Variants in UPRT observed in about 807,000 individuals in gnomAD.
The protein encoded by UPRT is uracil phosphoribosyltransferase homolog, also known as RP11-311P8.3.
A neutral mutation model predicts 22.6 loss-of-function variants in UPRT; 5 were observed. The observed-to-expected ratio is 0.22, with a 90% CI of 0.12 to 0.47. The LOEUF is 0.47. Ranked by LOEUF, UPRT falls within the 20% of genes least tolerant of loss-of-function variation. The probability of loss-of-function intolerance (pLI) is 0.99; values close to 1 mark genes in which losing one functional copy is unlikely to be tolerated. For synonymous variants in UPRT, 77 were observed against 87.7 expected, an observed-to-expected ratio of 0.88 and a Z score of 0.68; for missense variants, 181 against 239.9, an observed-to-expected ratio of 0.75 and a Z score of 1.62.
intron 4 of UPRT, among the ~76,000 whole-genome samples, chrX:75,239,454 TA>T (rs755359565): frequency 1.6e-4 from 18 of 110,519 alleles, no homozygotes; most frequent in African/African-American, 5.9e-4. Flanking sequence ...GAAACAGTAA[TA>T]AAAAAAATTG....
chrX:75,182,614 T>C (rs1181272057), intron 4 of UPRT, among the ~76,000 whole-genome samples: 3 of 111,988 alleles, frequency 2.7e-5, no homozygotes, highest in African/African-American at 9.7e-5. Context: ...ATCTATTTCT[T>C]TTAGATTTTC....
intron 4 of UPRT, among the ~76,000 whole-genome samples, chrX:75,172,825 A>G (rs1011049620): frequency 9.0e-6 from 1 of 110,636 alleles, no homozygotes; most frequent in Admixed American, 9.6e-5. Context: ...GAAGCTGCAG[A>G]TTTTCGCAGT....
At chrX:75,176,144 T>G (rs1178334226) in intron 4 of UPRT, among the ~76,000 whole-genome samples, 2 of 111,110 alleles carry the variant, frequency 1.8e-5, no homozygotes, top group African/African-American at 6.6e-5. Flanking sequence ...CATTGAATAA[T>G]TTATGGGCTT....
At chrX:75,276,560 A>T in intron 1 of UPRT, among the ~76,000 whole-genome samples, 1 of 111,419 alleles carries the variant, frequency 9.0e-6, no homozygotes, top group Middle Eastern at 4.6e-3. Context: ...TACAACAAAG[A>T]AAAATAGATG....
intron 4 of UPRT, among the ~76,000 whole-genome samples, chrX:75,237,856 A>G (rs1181948153): frequency 9.4e-6 from 1 of 106,458 alleles, no homozygotes; most frequent in Non-Finnish European, 1.9e-5. Context: ...CTAGATGACG[A>G]GTTAGTGGGT....
At chrX:75,181,647 G>T (rs1312536829) in intron 4 of UPRT, among the ~76,000 whole-genome samples, 1 of 111,353 alleles carries the variant, frequency 9.0e-6, no homozygotes, top group African/African-American at 3.3e-5. Flanking sequence ...CTCTCAGCTT[G>T]GATGTTGTTG....
intron 4 of UPRT, among the ~76,000 whole-genome samples, chrX:75,223,094 G>A (rs1401022929): frequency 9.1e-6 from 1 of 109,740 alleles, no homozygotes; most frequent in Non-Finnish European, 1.9e-5. Flanking sequence ...TCAAGGCATT[G>A]GGTTTCCTTT....
chrX:75,214,587 A>G (rs1441352049), intron 4 of UPRT, among the ~76,000 whole-genome samples: 2 of 112,282 alleles, frequency 1.8e-5, no homozygotes, highest in Non-Finnish European at 3.8e-5. Context: ...TACAGCATAG[A>G]GCCTATGGTT....
At chrX:75,281,809 C>G (rs2082658278) in intron 1 of UPRT, among the ~76,000 whole-genome samples, 1 of 111,609 alleles carries the variant, frequency 9.0e-6, no homozygotes, top group South Asian at 3.7e-4. Flanking sequence ...CCCTCTTTCT[C>G]TGTCTTGTGG....
At chrX:75,178,583 G>A (rs1026055787) in intron 4 of UPRT, among the ~76,000 whole-genome samples, 8 of 110,956 alleles carry the variant, frequency 7.2e-5, no homozygotes, top group East Asian at 5.7e-4. Flanking sequence ...AGATGTGTTC[G>A]GAGTTTCTTC....
chrX:75,253,688 C>G (rs2082539737), intron 4 of UPRT, among the ~76,000 whole-genome samples: 1 of 112,015 alleles, frequency 8.9e-6, no homozygotes, highest in Non-Finnish European at 1.9e-5. Flanking sequence ...CCCACAGACC[C>G]TCTGAAGGAA....
rs1476151569 is a variant in UPRT at position 75,247,563 on chromosome X, A to T, written c.-446-43461A>T. Among the ~76,000 whole-genome samples the T allele has an allele frequency of 7.1e-5, 8 of 112,357 alleles. No individual in the cohort carries two copies. The Admixed American group carries it at 7.5e-4, about 11-fold the overall frequency. Reference sequence around the variant, plus strand: ...CACCAGATATTGCCGAGGCTTGACTAGGTAAACAAAGCCGCCAAGCTCGAA... The same window carrying T: ...CACCAGATATTGCCGAGGCTTGACTTGGTAAACAAAGCCGCCAAGCTCGAA... On this transcript the variant is annotated intron_variant, in intron 4 of 13. Coordinates refer to the UPRT transcript ENST00000652605.
At chrX:75,170,767 G>A (rs1382240837) in intron 4 of UPRT, among the ~76,000 whole-genome samples, 2 of 110,927 alleles carry the variant, frequency 1.8e-5, no homozygotes, top group African/African-American at 6.6e-5. Context: ...TTGTAGTGCT[G>A]GCTTGGTAGT....
In UPRT at chrX:75,299,722, T is replaced by G; in HGVS notation, c.563-13T>G. On this transcript the variant is annotated splice_polypyrimidine_tract_variant and intron_variant, in intron 4 of 6. Coordinates refer to ENST00000373383, the MANE Select transcript of UPRT (RefSeq NM_145052.4). ...TTCCCCTAATCTTTTTTCTTTCTTT[T>G]TTCTTCTTCAAGGTGAGGCAATGGA... is the stretch of plus-strand genomic sequence containing the variant. 8.4e-7 allele frequency: 1 copy of G among 1,189,994 alleles called. No homozygotes were observed. The highest frequency in any genetic ancestry group is 1.1e-6 in the Non-Finnish European group (1 of 885,794).
chrX:75,199,301 G>A (rs1427713839), intron 4 of UPRT, among the ~76,000 whole-genome samples: 1 of 111,717 alleles, frequency 9.0e-6, no homozygotes, highest in Non-Finnish European at 1.9e-5. Context: ...AGAGAAGGAA[G>A]AGTAAAGATG....
At chrX:75,219,653 A>C (rs1323235758) in intron 4 of UPRT, among the ~76,000 whole-genome samples, 1 of 111,601 alleles carries the variant, frequency 9.0e-6, no homozygotes, top group Non-Finnish European at 1.9e-5. Flanking sequence ...GATAGGGGCC[A>C]ATTCAGTGAG....
intron 1 of UPRT, among the ~76,000 whole-genome samples, chrX:75,289,950 T>G (rs2082699615): frequency 9.0e-6 from 1 of 111,466 alleles, no homozygotes; most frequent in Admixed American, 9.5e-5. Context: ...AATTGACAAG[T>G]GAGACCTAAT....
intron 4 of UPRT, among the ~76,000 whole-genome samples, chrX:75,177,675 C>G (rs2082252888): frequency 9.0e-6 from 1 of 111,564 alleles, no homozygotes; most frequent in Non-Finnish European, 1.9e-5. Context: ...TTCTGAGGCT[C>G]CCCATATCCT....
chrX:75,243,867 T>C (rs991878737), intron 4 of UPRT, among the ~76,000 whole-genome samples: 12 of 111,804 alleles, frequency 1.1e-4, no homozygotes, highest in African/African-American at 3.9e-4. Context: ...CTATACTTTG[T>C]TTCAATGTTT....
Sources: gnomAD v4.1 joint callset for allele counts (sites outside exome capture counted in the v4.1 genomes callset) on GRCh38, gnomAD v4.1.1 for gene constraint, MANE v1.5 for transcripts, NCBI Gene and HGNC (gene_info 2026-07-23, HGNC 2026-07-21) for gene names.